PAK5: variants seen among roughly 807,000 people sequenced by gnomAD.
PAK5 encodes the protein p21 (RAC1) activated kinase 5.
In PAK5, 16 loss-of-function variants were observed where a neutral mutation model predicts 65.9. That is an observed-to-expected ratio of 0.24 (90% CI 0.16 to 0.37). The LOEUF (loss-of-function observed/expected upper bound fraction) is 0.37. Ranked by LOEUF, PAK5 falls within the 10% of genes least tolerant of loss-of-function variation. The pLI, the probability that PAK5 is intolerant of heterozygous loss-of-function variation, is 1.00. For synonymous variants in PAK5, 371 were observed against 354.9 expected (o/e 1.05, Z -0.51); for missense variants, 785 against 903.9 (o/e 0.87, Z 1.69).
intron 2 of PAK5, among the ~76,000 whole-genome samples, chr20:9,699,573 T>A (rs1348615601): frequency 1.2e-4 from 15 of 127,884 alleles, no homozygotes; most frequent in Non-Finnish European, 1.7e-4. Context: ...TTTTTTTTTT[T>A]AATTTTATTT....
At chr20:9,605,526 T>C (rs1291959628) in intron 3 of PAK5, among the ~76,000 whole-genome samples, 1 of 152,138 alleles carries the variant, frequency 6.6e-6, no homozygotes, top group Non-Finnish European at 1.5e-5. Context: ...GACATAATGA[T>C]ATATTGCTAG....
At chr20:9,681,483 T>G (rs1368202912) in intron 2 of PAK5, among the ~76,000 whole-genome samples, 1 of 152,140 alleles carries the variant, frequency 6.6e-6, no homozygotes, top group Non-Finnish European at 1.5e-5. Flanking sequence ...GCTTTTTGGG[T>G]CAATCAAGTA....
At chr20:9,697,984 A>T (rs999162889) in intron 2 of PAK5, among the ~76,000 whole-genome samples, 4 of 152,056 alleles carry the variant, frequency 2.6e-5, no homozygotes, top group African/African-American at 9.7e-5. Flanking sequence ...TTAGCCCATG[A>T]TGTTAGTACT....
intron 3 of PAK5, among the ~76,000 whole-genome samples, chr20:9,617,791 G>T (rs1475521567): frequency 4.6e-5 from 7 of 151,832 alleles, no homozygotes; most frequent in Non-Finnish European, 1.0e-4. Flanking sequence ...TCCTGACCTC[G>T]TGATCCACCC....
chr20:9,583,754 A>G (rs1474202356), intron 3 of PAK5, among the ~76,000 whole-genome samples: 1 of 152,224 alleles, frequency 6.6e-6, no homozygotes, highest in Non-Finnish European at 1.5e-5. Flanking sequence ...AGCTGCAAAA[A>G]TATCTCCTGA....
At chr20:9,705,530 G>A (rs899148202) in intron 2 of PAK5, among the ~76,000 whole-genome samples, 1 of 151,990 alleles carries the variant, frequency 6.6e-6, no homozygotes, top group African/African-American at 2.4e-5. Context: ...TTGTAAAATC[G>A]ATCATATGTG....
chr20:9,832,278 C>A (rs1478642585), intron 1 of PAK5, among the ~76,000 whole-genome samples: 3 of 151,550 alleles, frequency 2.0e-5, no homozygotes, highest in African/African-American at 7.3e-5. Flanking sequence ...TGACAACTTT[C>A]TTTTTTTTAA....
chr20:9,834,064 T>C (rs920250991), intron 1 of PAK5, among the ~76,000 whole-genome samples: 13 of 152,330 alleles, frequency 8.5e-5, no homozygotes, highest in African/African-American at 2.9e-4. Flanking sequence ...TAGGCTTTAA[T>C]TGATCCCATT....
At chr20:9,820,647 G>T (rs1368853952) in intron 1 of PAK5, among the ~76,000 whole-genome samples, 1 of 152,150 alleles carries the variant, frequency 6.6e-6, no homozygotes, top group Non-Finnish European at 1.5e-5. Context: ...GCCTCTTCCA[G>T]TCCAATGGGA....
chr20:9,713,950 A>C (rs1192455637), intron 1 of PAK5, among the ~76,000 whole-genome samples: 1 of 152,124 alleles, frequency 6.6e-6, no homozygotes, highest in Non-Finnish European at 1.5e-5. Flanking sequence ...GGAGTGCCAT[A>C]GGAAAATTAC....
intron 2 of PAK5, among the ~76,000 whole-genome samples, chr20:9,689,404 T>C (rs1468168870): frequency 6.6e-6 from 1 of 152,180 alleles, no homozygotes; most frequent in Non-Finnish European, 1.5e-5. Context: ...AGATGGACAC[T>C]CAATTGATTG....
At chr20:9,557,236 G>A (rs373480295) in intron 7 of PAK5, among the ~76,000 whole-genome samples, 7 of 152,122 alleles carry the variant, frequency 4.6e-5, no homozygotes, top group Admixed American at 4.6e-4. Context: ...TTACCTGCAC[G>A]GGCTCTGGAA....
intron 4 of PAK5, among the ~76,000 whole-genome samples, chr20:9,577,971 C>A (rs1256591031): frequency 6.6e-6 from 1 of 152,056 alleles, no homozygotes; most frequent in Non-Finnish European, 1.5e-5. Context: ...ATAGAGGGAG[C>A]CTGTAGGGAA....
intron 2 of PAK5, among the ~76,000 whole-genome samples, chr20:9,654,606 T>C (rs950252198): frequency 2.6e-5 from 4 of 152,006 alleles, no homozygotes; most frequent in Admixed American, 6.5e-5. Flanking sequence ...AATATAAGTC[T>C]GTATCATTCT....
At chr20:9,788,734 C>T (rs948701725) in intron 1 of PAK5, among the ~76,000 whole-genome samples, 1 of 152,120 alleles carries the variant, frequency 6.6e-6, no homozygotes, top group East Asian at 1.9e-4. Flanking sequence ...CACAGAAAGA[C>T]CCTCTTCCTA....
In PAK5 at chr20:9,732,706, T is replaced by C. The variant is rs139597605; in HGVS notation, c.-161-21271A>G. On this transcript the variant is annotated intron_variant, in intron 1 of 9. Coordinates refer to ENST00000353224, the MANE Select transcript of PAK5 (RefSeq NM_177990.4). ...TATAGGGAGTTCAAGGGTTCTCTAA[T>C]CTTGGATTGGTCTGTCAATATCTGT... is the stretch of plus-strand genomic sequence containing the variant. 1.6e-4 allele frequency among the ~76,000 whole-genome samples: 25 copies of C among 152,296 alleles called. No individual in the cohort carries two copies. In the East Asian group the frequency reaches 4.4e-3, roughly 27 times the overall value.
At chr20:9,772,363 C>T (rs568048001) in intron 1 of PAK5, among the ~76,000 whole-genome samples, 1 of 152,104 alleles carries the variant, frequency 6.6e-6, no homozygotes, top group Non-Finnish European at 1.5e-5. Flanking sequence ...AGCAAGGTGT[C>T]TATAAAAAGA....
chr20:9,768,044 C>T (rs2048789162), intron 1 of PAK5, among the ~76,000 whole-genome samples: 1 of 152,122 alleles, frequency 6.6e-6, no homozygotes, highest in African/African-American at 2.4e-5. Flanking sequence ...CTTTTAAAAT[C>T]CTCTTATAGA....
rs1351700788 is a variant in PAK5 at position 9,576,860 on chromosome 20, C to T, written c.990+3285G>A. ...TACAGATCTGTGAGGCTCAACAAAACATGGCATGTATCTGGTACACAGCAA... is the reference window on the plus strand; with the variant it reads ...TACAGATCTGTGAGGCTCAACAAAATATGGCATGTATCTGGTACACAGCAA... On this transcript the variant is annotated intron_variant, in intron 4 of 9. Transcript: ENST00000353224. Among the ~76,000 whole-genome samples the T allele has an allele frequency of 2.6e-5, 4 of 152,198 alleles. No homozygotes were observed. The East Asian group carries it at 7.7e-4, about 29-fold the overall frequency.
Sources: allele counts gnomAD v4.1 joint callset (sites outside exome capture counted in the v4.1 genomes callset), GRCh38; gene constraint gnomAD v4.1.1; transcripts MANE v1.5; gene names NCBI Gene and HGNC (gene_info 2026-07-23, HGNC 2026-07-21).